Variants in PKNOX2 observed in about 807,000 individuals in gnomAD.
PKNOX2 encodes the protein homeobox protein PKNOX2.
In PKNOX2, 14 loss-of-function variants were observed where a neutral mutation model predicts 53.1. The observed-to-expected ratio is 0.26, with a 90% CI of 0.17 to 0.41. PKNOX2 has a LOEUF of 0.41. Ranked by LOEUF, PKNOX2 falls within the 10% of genes least tolerant of loss-of-function variation. PKNOX2 has a pLI of 1.00. For synonymous variants in PKNOX2, 257 were observed against 242.8 expected (o/e 1.06, Z -0.54); for missense variants, 496 against 602.8 (o/e 0.82, Z 1.85).
intron 2 of PKNOX2, among the ~76,000 whole-genome samples, chr11:125,286,380 A>G (rs1467685893): frequency 1.3e-5 from 2 of 152,272 alleles, no homozygotes; most frequent in African/African-American, 4.8e-5. Context: ...ATAATATTGT[A>G]GAGAAAAGAA....
In PKNOX2 at chr11:125,333,922, TAA is replaced by T. The variant is rs1268178989; in HGVS notation, c.-23+1998_-23+1999del. On this transcript the variant is annotated intron_variant, in intron 3 of 12. Transcript: ENST00000298282. ...ACATTTTGCAATTACAATTTAAAAA[TAA>T]GTCTCGTTAATGATCTCCACGTGTA... 9.2e-5 allele frequency among the ~76,000 whole-genome samples: 14 copies of T among 152,236 alleles called. No individual in the cohort carries two copies. The East Asian group carries it at 2.1e-3, about 23-fold the overall frequency.
intron 2 of PKNOX2, among the ~76,000 whole-genome samples, chr11:125,312,022 T>G (rs936026667): frequency 1.3e-5 from 2 of 152,084 alleles, no homozygotes; most frequent in East Asian, 3.9e-4. Flanking sequence ...GAAAAAAAAG[T>G]CTGAATTTGG....
intron 2 of PKNOX2, among the ~76,000 whole-genome samples, chr11:125,307,293 G>T (rs898793977): frequency 5.3e-5 from 8 of 152,142 alleles, no homozygotes; most frequent in African/African-American, 1.9e-4. Context: ...TAACAATAAA[G>T]GGAGCCTGGG....
chr11:125,372,446 A>G (rs948101788), intron 5 of PKNOX2, among the ~76,000 whole-genome samples: 12 of 152,226 alleles, frequency 7.9e-5, no homozygotes, highest in Non-Finnish European at 1.6e-4. Context: ...CTGCAATCCT[A>G]CATTCTTGGT....
At position 125,309,159 on chromosome 11, in the gene PKNOX2, C is replaced by CCTTCCTTCCTTCCTCTCTCTCTTT. The variant is rs923557246; in HGVS notation, c.-129-22639_-129-22616dup. ...TCTTTCTTTCTTTCTTTCTTTCTTTCCTTCCTTCCTTCCTCTCTCTCTTTC... is the reference window on the plus strand; with the variant it reads ...TCTTTCTTTCTTTCTTTCTTTCTTTCCTTCCTTCCTTCCTCTCTCTCTTTCTTCCTTCCTTCCTCTCTCTCTTTC... On this transcript the variant is annotated intron_variant, in intron 2 of 12. Coordinates refer to ENST00000298282, the MANE Select transcript of PKNOX2 (RefSeq NM_001382323.2). Among the ~76,000 whole-genome samples the CCTTCCTTCCTTCCTCTCTCTCTTT allele has an allele frequency of 3.3e-5, 5 of 150,134 alleles. No homozygotes were observed. In the East Asian group the frequency reaches 9.8e-4, roughly 30 times the overall value.
intron 2 of PKNOX2, among the ~76,000 whole-genome samples, chr11:125,251,483 T>A (rs1005160856): frequency 2.6e-5 from 4 of 152,168 alleles, no homozygotes; most frequent in African/African-American, 9.7e-5. Context: ...GAGCAACTTT[T>A]CAGCGACAAA....
At chr11:125,379,636 C>A (rs1028609255) in intron 5 of PKNOX2, among the ~76,000 whole-genome samples, 2 of 151,746 alleles carry the variant, frequency 1.3e-5, no homozygotes, top group Non-Finnish European at 2.9e-5. Flanking sequence ...GTCTCAGCCT[C>A]TCTGTTACTA....
At chr11:125,401,096 A>C (rs1954720036) in intron 7 of PKNOX2, among the ~76,000 whole-genome samples, 1 of 152,122 alleles carries the variant, frequency 6.6e-6, no homozygotes, top group Non-Finnish European at 1.5e-5. Context: ...GGCAGGGGCA[A>C]GGGGAAGCCA....
At chr11:125,249,076 TAC>T (rs1193393400) in intron 2 of PKNOX2, among the ~76,000 whole-genome samples, 3 of 111,230 alleles carry the variant, frequency 2.7e-5, no homozygotes, top group Non-Finnish European at 5.9e-5. Flanking sequence ...AACACATATA[TAC>T]ACACACACAT....
intron 10 of PKNOX2, among the ~76,000 whole-genome samples, chr11:125,425,678 G>T (rs1269525776): frequency 4.6e-5 from 7 of 152,164 alleles, no homozygotes; most frequent in Non-Finnish European, 1.0e-4. Context: ...CCCCTCCTTG[G>T]CCCCAAGCCT....
chr11:125,322,560 G>T (rs898330915), intron 2 of PKNOX2, among the ~76,000 whole-genome samples: 2 of 152,144 alleles, frequency 1.3e-5, no homozygotes, highest in African/African-American at 4.8e-5. Flanking sequence ...CTCTCGTGGG[G>T]GTTTAATCCT....
intron 2 of PKNOX2, among the ~76,000 whole-genome samples, chr11:125,289,239 A>C (rs1285662255): frequency 6.6e-6 from 1 of 152,172 alleles, no homozygotes; most frequent in East Asian, 1.9e-4. Context: ...GAGACCCAAA[A>C]TGGGGAGAAG....
rs957909811 is a variant in PKNOX2, at chr11:125,165,284, G to A, written c.-201+508G>A. The stretch of plus-strand genomic sequence containing the variant: ...GTAGCGGGCGGGCGGGGAGCTGTGC[G>A]CCAGGAGCGCCAGGGGACCCGAGAA... On this transcript the variant is annotated intron_variant, in intron 1 of 12. Coordinates refer to ENST00000298282, the MANE Select transcript of PKNOX2 (RefSeq NM_001382323.2). The surrounding 1 kb of genome is among the most constrained non-coding windows in gnomAD (Gnocchi z 4.5). Among the ~76,000 whole-genome samples, 1 of 152,058 alleles carries A rather than the reference G, an allele frequency of 6.6e-6. No individual in the cohort carries two copies. Among genetic ancestry groups the A allele is most frequent in the Admixed American group, 6.6e-5 (1 of 15,266 alleles).
chr11:125,342,635 G>A (rs571654915), intron 3 of PKNOX2, among the ~76,000 whole-genome samples: 13 of 152,292 alleles, frequency 8.5e-5, no homozygotes, highest in East Asian at 1.9e-4. Flanking sequence ...GTGCCTGAGC[G>A]GCTGCTGTCA....
intron 6 of PKNOX2, among the ~76,000 whole-genome samples, chr11:125,392,298 G>A (rs375001766): frequency 5.3e-5 from 8 of 152,196 alleles, no homozygotes; most frequent in African/African-American, 1.7e-4. Flanking sequence ...TTTGCCCAAC[G>A]GCACCCAATT....
At chr11:125,247,390 T>G (rs186415606) in intron 2 of PKNOX2, among the ~76,000 whole-genome samples, 1 of 152,234 alleles carries the variant, frequency 6.6e-6, no homozygotes, top group East Asian at 1.9e-4. Flanking sequence ...CACCCTGGGT[T>G]TCTATACTGT....
intron 2 of PKNOX2, among the ~76,000 whole-genome samples, chr11:125,293,310 C>G (rs1331638115): frequency 6.6e-6 from 1 of 152,094 alleles, no homozygotes; most frequent in Non-Finnish European, 1.5e-5. Context: ...TTTAGGTAAA[C>G]CCATGTATGT....
intron 1 of PKNOX2, among the ~76,000 whole-genome samples, chr11:125,196,017 C>T (rs1217443409): frequency 1.3e-5 from 2 of 152,090 alleles, no homozygotes; most frequent in African/African-American, 2.4e-5. Context: ...CTTAGGTGGC[C>T]TCTGGGTCTG....
intron 2 of PKNOX2, among the ~76,000 whole-genome samples, chr11:125,301,086 G>A (rs1459171899): frequency 6.6e-6 from 1 of 152,208 alleles, no homozygotes; most frequent in African/African-American, 2.4e-5. Context: ...TGTACAAGTT[G>A]AGAATGTGAG....
Sources: gnomAD v4.1 joint callset for allele counts (sites outside exome capture counted in the v4.1 genomes callset) on GRCh38, gnomAD v4.1.1 for gene constraint, Gnocchi (gnomAD v3.1) non-coding constraint, MANE v1.5 for transcripts, NCBI Gene and HGNC (gene_info 2026-07-23, HGNC 2026-07-21) for gene names.